ABCB11: variants seen among roughly 807,000 people sequenced by gnomAD.
The protein encoded by ABCB11 is ATP binding cassette subfamily B member 11, also known as bile salt export pump.
In ABCB11, 95 loss-of-function variants were observed where a neutral mutation model predicts 148.0. That is an observed-to-expected ratio of 0.64 (90% CI 0.54 to 0.76). ABCB11 has a LOEUF of 0.76. ABCB11 is among the 30% of genes least tolerant of loss of function. The pLI is 0.00. For synonymous variants in ABCB11, 591 were observed against 555.4 expected (o/e 1.06, Z -0.90); for missense variants, 1,523 against 1,617.8 (o/e 0.94, Z 1.01).
chr2:168,950,721 G>T (rs977257023), intron 19 of ABCB11, among the ~76,000 whole-genome samples: 4 of 151,770 alleles, frequency 2.6e-5, no homozygotes, highest in African/African-American at 7.3e-5. Flanking sequence ...CTCCAATTGT[G>T]TAAGTTGTTT....
chr2:168,990,859 C>CATTCTCA lies in ABCB11; in HGVS notation c.849_850insTGAGAAT (p.Val284Ter). The CATTCTCA allele has an allele frequency of 6.2e-7, 1 of 1,613,114 alleles. No homozygotes were observed. Among genetic ancestry groups the CATTCTCA allele is most frequent in the Non-Finnish European group, 8.5e-7 (1 of 1,179,246 alleles). ...GCCACTGTTCTCATTGATGAAATGACTTCATCAGCCACCACCCCTGCTTTG... is the reference window on the plus strand; with the variant it reads ...GCCACTGTTCTCATTGATGAAATGACATTCTCATTCATCAGCCACCACCCCTGCTTTG... On this transcript the variant is annotated stop_gained and frameshift_variant, in exon 9 of 28. Transcript: ENST00000650372. LOFTEE classifies it high-confidence loss of function.
chr2:168,935,360 A>C lies in ABCB11; in HGVS notation c.2880T>G (p.Ile960Met), dbSNP rs1281152956. The change falls in exon 23 of 28, where the codon ATT becomes ATG. Residue 960 changes from isoleucine (I) to methionine (M), a missense_variant. By Grantham distance (10) the Ile-to-Met change is conservative (BLOSUM62 1). Coordinates refer to ENST00000650372, the MANE Select transcript of ABCB11 (RefSeq NM_003742.4). ...TCTCCAGCTCAGTCTCAAGTGCTTCAATGAACCGCCTCTCCTTTCCAATTC... is the reference window on the plus strand; with the variant it reads ...TCTCCAGCTCAGTCTCAAGTGCTTCCATGAACCGCCTCTCCTTTCCAATTC... Reference protein sequence around the residue: ...VAGIGKERRFIEALETELEKP... With the variant: ...VAGIGKERRFMEALETELEKP... 6.8e-6 allele frequency: 11 copies of C among 1,613,978 alleles called. No homozygotes were observed. Among genetic ancestry groups the C allele is most frequent in the Non-Finnish European group, 9.3e-6 (11 of 1,179,836 alleles).
chr2:168,969,697 C>G, intron 15 of ABCB11, 146 bp from the exon 16 acceptor site: 1 of 788,384 alleles, frequency 1.3e-6, no homozygotes, highest in South Asian at 2.0e-5. Flanking sequence ...TAGAAAAGGC[C>G]AGCACATTTT....
intron 18 of ABCB11, among the ~76,000 whole-genome samples, chr2:168,962,316 G>A (rs565122501): frequency 3.6e-4 from 55 of 151,768 alleles, no homozygotes; most frequent in African/African-American, 1.2e-3. Context: ...TATTCTAAAT[G>A]TATAATGCTG....
At chr2:169,002,399 CAA>C (rs1409517900) in intron 5 of ABCB11, among the ~76,000 whole-genome samples, 3 of 151,984 alleles carry the variant, frequency 2.0e-5, no homozygotes, top group Non-Finnish European at 4.4e-5. Flanking sequence ...GTAGGTTCCT[CAA>C]AAAGTTAGAA....
intron 19 of ABCB11, among the ~76,000 whole-genome samples, chr2:168,956,090 T>A (rs1287358095): frequency 2.0e-5 from 3 of 151,646 alleles, no homozygotes; most frequent in Admixed American, 6.6e-5. Flanking sequence ...CTTACAATCA[T>A]GGCAGAAGGT....
chr2:168,957,934 A>G, intron 19 of ABCB11, 30 bp downstream of exon 19: 1 of 1,479,246 alleles, frequency 6.8e-7, no homozygotes, highest in Non-Finnish European at 9.1e-7. Context: ...AGGTATGAGA[A>G]GAAGAAAGCT....
downstream of ABCB11, among the ~76,000 whole-genome samples, chr2:168,919,867 G>T (rs1460948963): frequency 6.7e-6 from 1 of 150,102 alleles, no homozygotes; most frequent in African/African-American, 2.5e-5. Flanking sequence ...TTTGTTTTTT[G>T]GTTTTTTGGT....
rs1370893735 is a variant in ABCB11, at chr2:168,968,543, A to G, written c.2012-53T>C. The G allele has an allele frequency of 3.6e-6, 5 of 1,405,532 alleles. No homozygotes were observed. In the African/African-American group the frequency reaches 4.3e-5, roughly 12 times the overall value. The allele number at this position is 1,405,532 out of a possible 1,614,324, so 87.1% of individuals were successfully genotyped here. A position where few individuals can be genotyped will look rare whatever the true frequency, so the allele number is the denominator to read the frequency against. ...TAGTATATACAATAAACAGAACCAT[A>G]TCCAAGTAGAATTCTTTACTATGTT... is the stretch of plus-strand genomic sequence containing the variant. On this transcript the variant is annotated intron_variant, in intron 16 of 27. Coordinates refer to ENST00000650372, the MANE Select transcript of ABCB11 (RefSeq NM_003742.4).
At chr2:168,938,148 G>T (rs542349965) in intron 21 of ABCB11, among the ~76,000 whole-genome samples, 1 of 152,258 alleles carries the variant, frequency 6.6e-6, no homozygotes, top group South Asian at 2.1e-4. Flanking sequence ...GACACAAATG[G>T]AATATAAAAT....
chr2:169,006,148 T>C (rs1695011751), intron 5 of ABCB11, among the ~76,000 whole-genome samples: 1 of 152,186 alleles, frequency 6.6e-6, no homozygotes, highest in African/African-American at 2.4e-5. Context: ...AAATCTTCAC[T>C]AAATACAAAC....
Position 168,923,021 on chromosome 2 carries a change from T to C in ABCB11, c.*601A>G, listed in dbSNP as rs1473300919. The C allele has an allele frequency of 6.5e-6, 1 of 154,712 alleles. No homozygotes were observed. The highest frequency in any genetic ancestry group is 2.4e-5 in the African/African-American group (1 of 41,458). 9.6% of individuals were successfully genotyped at this position (154,712 alleles called of 1,614,324 possible). ...GGAAAGCTCATGCTAATACTTTCCC[T>C]TTCTGCCTCCCTCAGCCTGAGAGCA... On this transcript the variant is annotated 3_prime_UTR_variant, in exon 28 of 28. Coordinates refer to ENST00000650372, the MANE Select transcript of ABCB11 (RefSeq NM_003742.4).
chr2:169,028,951 T>G (rs950620387), intron 1 of ABCB11, among the ~76,000 whole-genome samples: 5 of 152,178 alleles, frequency 3.3e-5, no homozygotes, highest in African/African-American at 1.2e-4. Context: ...AAAAAGAGCT[T>G]TTTCCACATT....
chr2:169,014,230 TTAACAC>T, intron 4 of ABCB11, 67 bp downstream of exon 4: 6 of 1,419,566 alleles, frequency 4.2e-6, no homozygotes, highest in Non-Finnish European at 6.0e-6. Flanking sequence ...GACTAAAGAT[TTAACAC>T]TCCCCTCATG....
At position 168,990,799 on chromosome 2, in the gene ABCB11, A is replaced by G; in HGVS notation, c.908+2T>C. ...GAAAGAATCAGATTCCAATTAACCA[A>G]CCTTTCAACCTCTCTTTTCTCACCA... is the stretch of plus-strand genomic sequence containing the variant. On this transcript the variant is annotated splice_donor_variant, in intron 9 of 27. Transcript: ENST00000650372. LOFTEE classifies it high-confidence loss of function. 1 of 1,612,468 alleles carries G rather than the reference A, an allele frequency of 6.2e-7. No homozygotes were observed.
chr2:168,938,653 C>T (rs763610828), intron 21 of ABCB11, among the ~76,000 whole-genome samples: 5 of 152,066 alleles, frequency 3.3e-5, no homozygotes, highest in Non-Finnish European at 7.3e-5. Flanking sequence ...CAGCTGTACA[C>T]TTAAAGATGG....
intron 19 of ABCB11, among the ~76,000 whole-genome samples, chr2:168,951,727 C>T (rs944594057): frequency 7.3e-5 from 11 of 151,316 alleles, no homozygotes; most frequent in Admixed American, 2.0e-4. Flanking sequence ...TTCTAATTTG[C>T]ATGCCTTTTA....
intron 21 of ABCB11, among the ~76,000 whole-genome samples, chr2:168,940,794 A>G (rs2685806): frequency 0.5 from 75,201 of 151,802 alleles, 19,571 homozygotes; most frequent in South Asian, 0.66. Flanking sequence ...GTTAGGGGAT[A>G]ATGCAGCTGA....
At chr2:168,996,846 A>C in intron 5 of ABCB11, 124 bp from the exon 6 acceptor site, 1 of 242,546 alleles carries the variant, frequency 4.1e-6, no homozygotes, top group Non-Finnish European at 7.4e-6. Flanking sequence ...ATATATAATA[A>C]ATATACTATA....
Sources: gnomAD v4.1 joint callset for allele counts (sites outside exome capture counted in the v4.1 genomes callset) on GRCh38, gnomAD v4.1.1 for gene constraint, MANE v1.5 for transcripts, NCBI Gene and HGNC (gene_info 2026-07-23, HGNC 2026-07-21) for gene names.